RILPL2: variants seen among roughly 807,000 people sequenced by gnomAD.
RILPL2 encodes Rab interacting lysosomal protein like 2, also known as RILP-like protein 2.
In RILPL2, 19 loss-of-function variants were observed where a neutral mutation model predicts 22.2. The ratio of observed to expected loss-of-function variants is 0.86; its 90% CI spans 0.60 to 1.25. The LOEUF is 1.25. Ranked by LOEUF, RILPL2 falls within the 50% of genes most tolerant of loss-of-function variation. The probability of loss-of-function intolerance (pLI) is 0.00; values close to 1 mark genes in which losing one functional copy is unlikely to be tolerated. For missense variants in RILPL2, 243 were observed against 263.6 expected (o/e 0.92, Z 0.54); for synonymous variants, 123 against 111.6 (o/e 1.10, Z -0.64).
chr12:123,428,631 T>C (rs1879511096), intron 2 of RILPL2, among the ~76,000 whole-genome samples: 1 of 152,210 alleles, frequency 6.6e-6, no homozygotes, highest in African/African-American at 2.4e-5. Context: ...TGTCCTTAAT[T>C]CCAAGCTTTC....
At chr12:123,431,406 G>A (rs1194533571) in intron 1 of RILPL2, among the ~76,000 whole-genome samples, 2 of 151,736 alleles carry the variant, frequency 1.3e-5, no homozygotes, top group Non-Finnish European at 2.9e-5. Flanking sequence ...GGAGGGGAAG[G>A]AGACGTTGTT....
intron 3 of RILPL2, among the ~76,000 whole-genome samples, chr12:123,416,832 T>A (rs1879131276): frequency 2.0e-5 from 3 of 152,140 alleles, no homozygotes; most frequent in Admixed American, 1.3e-4. Flanking sequence ...CAATTAGGTG[T>A]CCTAAGCTCC....
Position 123,416,019 on chromosome 12 carries a change from G to A in RILPL2, c.606-98C>T, listed in dbSNP as rs892316495. Reference sequence around the variant, plus strand: ...TTTCTAAGTAGCTCTTGCAGCTGTTGACTCAAAAATATGTCCAGGCCAGGC... The same window carrying A: ...TTTCTAAGTAGCTCTTGCAGCTGTTAACTCAAAAATATGTCCAGGCCAGGC... On this transcript the variant is annotated intron_variant, in intron 3 of 3. Transcript: ENST00000280571. The A allele has an allele frequency of 2.2e-5, 27 of 1,230,224 alleles. No individual in the cohort carries two copies. In the African/African-American group the frequency reaches 2.7e-4, roughly 12 times the overall value. The allele number at this position is 1,230,224 out of a possible 1,614,324, so 76.2% of individuals were successfully genotyped here.
At chr12:123,416,571 C>A (rs374880058) in intron 3 of RILPL2, among the ~76,000 whole-genome samples, 8 of 151,978 alleles carry the variant, frequency 5.3e-5, no homozygotes, top group Non-Finnish European at 1.2e-4. Flanking sequence ...ACCCGGGAGG[C>A]GGAGCTTGCA....
At chr12:123,417,324 C>G (rs192888189) in intron 3 of RILPL2, among the ~76,000 whole-genome samples, 1 of 150,514 alleles carries the variant, frequency 6.6e-6, no homozygotes, top group Admixed American at 6.6e-5. Flanking sequence ...AAAAAAGAAA[C>G]ACCCCCATTG....
At chr12:123,413,621 G>C (rs1158211851), downstream of RILPL2, 1 of 152,246 alleles carries the variant, frequency 6.6e-6, no homozygotes, top group African/African-American at 2.4e-5. Context: ...AAGAACAAAA[G>C]AACAAAGCTT....
chr12:123,415,940 G>A lies in RILPL2; in HGVS notation c.606-19C>T. The A allele has an allele frequency of 6.2e-7, 1 of 1,614,062 alleles. No individual in the cohort carries two copies. Among genetic ancestry groups the A allele is most frequent in the Non-Finnish European group, 8.5e-7 (1 of 1,179,938 alleles). On this transcript the variant is annotated intron_variant, in intron 3 of 3. Transcript: ENST00000280571. ...AAAGAACCTGGTGTGGAGAGAGAGA[G>A]GGTTCAGGGTAAGCAGAAGGAACAA...
chr12:123,413,054 A>G (rs1261635416), downstream of RILPL2: 4 of 152,302 alleles, frequency 2.6e-5, 1 homozygote, highest in South Asian at 4.1e-4. Context: ...AAATTAACCC[A>G]GTGTGGTGGC....
At position 123,423,147 on chromosome 12, in the gene RILPL2, G is replaced by C. The variant is rs1672760413; in HGVS notation, c.502C>G (p.Pro168Ala). Reference sequence around the variant, plus strand: ...CTTCCTCCTGGGCCTTCTCTTGGTGGAATCAGGCCACTGGGAAACGGGACA... The same window carrying C: ...CTTCCTCCTGGGCCTTCTCTTGGTGCAATCAGGCCACTGGGAAACGGGACA... ...ELQCYKSGLI[P>A]PREGPGGRRE... Residue 168 changes from proline (P) to alanine (A), a missense_variant, in exon 3 of 4, where the codon CCA becomes GCA. Coordinates refer to ENST00000280571, the MANE Select transcript of RILPL2 (RefSeq NM_145058.3). 1 of 1,605,480 alleles carries C rather than the reference G, an allele frequency of 6.2e-7. No homozygotes were observed. The highest frequency in any genetic ancestry group is 8.5e-7 in the Non-Finnish European group (1 of 1,175,142).
intron 1 of RILPL2, among the ~76,000 whole-genome samples, chr12:123,435,661 C>A (rs1198050974): frequency 6.6e-6 from 1 of 152,086 alleles, no homozygotes; most frequent in African/African-American, 2.4e-5. Context: ...ATTGCTTGAG[C>A]CTAGGAGGCC....
chr12:123,430,549 C>A lies in RILPL2; in HGVS notation c.450G>T (p.Ser150=), dbSNP rs745877554. 1.2e-6 allele frequency: 2 copies of A among 1,611,798 alleles called. No individual in the cohort carries two copies. The highest frequency in any genetic ancestry group is 2.2e-5 in the South Asian group (2 of 90,972). The change falls in exon 2 of 4, where the codon TCG becomes TCT. Residue 150 remains serine, a synonymous_variant. Coordinates refer to ENST00000280571, the MANE Select transcript of RILPL2 (RefSeq NM_145058.3). ...GCTCTTCCTGCACCACCAGGAGCTG[C>A]GACTTGAGTTTGTTGCGTTCCTGCA... ...DVLQERNKLK[S]QLLVVQEELQ... is the part of the protein sequence containing the mutation.
rs1879242406 is a variant in RILPL2, at chr12:123,420,258, C to CACG, written c.605+2785_605+2786insCGT. On this transcript the variant is annotated intron_variant, in intron 3 of 3. Transcript: ENST00000280571. ...GCCAGGATGGTCTCGATCTCCTGAC[C>CACG]TCGTGATCCTCCCGCCTCGGCCTCC... 2.0e-5 allele frequency among the ~76,000 whole-genome samples: 3 copies of CACG among 151,764 alleles called. No homozygotes were observed. In the South Asian group the frequency reaches 6.2e-4, roughly 31 times the overall value.
chr12:123,417,262 G>A (rs377731082), intron 3 of RILPL2, among the ~76,000 whole-genome samples: 1 of 150,228 alleles, frequency 6.7e-6, no homozygotes, highest in African/African-American at 2.5e-5. Flanking sequence ...TCAAGCTACC[G>A]CACACCAGCC....
intron 2 of RILPL2, among the ~76,000 whole-genome samples, chr12:123,429,382 G>A (rs888069352): frequency 2.6e-5 from 4 of 152,168 alleles, no homozygotes; most frequent in East Asian, 1.9e-4. Context: ...TGCAACCTCC[G>A]CCTTCTGGTT....
Position 123,436,103 on chromosome 12 carries a change from C to G in RILPL2, c.318G>C (p.Gln106His), listed in dbSNP as rs774863070. 1.3e-6 allele frequency: 2 copies of G among 1,581,202 alleles called. No individual in the cohort carries two copies. The highest frequency in any genetic ancestry group is 1.2e-5 in the South Asian group (1 of 86,820). Residue 106 changes from glutamine (Q) to histidine (H), a missense_variant, in exon 1 of 4, where the codon CAG becomes CAC. Transcript: ENST00000280571. This position sits in a 1 kb window ranked among gnomAD's most constrained non-coding sequence, Gnocchi z 6.7. The part of the protein sequence containing the change: ...LRKEVEGLRR[Q>H]SPPASGEVNL... ...TCACCTCCCCGCTGGCCGGAGGGCT[C>G]TGTCTCCGCAGCCCCTCCACCTCCT...
chr12:123,436,111 G>A lies in RILPL2; in HGVS notation c.310C>T (p.Arg104Trp). 1 of 1,585,338 alleles carries A rather than the reference G, an allele frequency of 6.3e-7. No individual in the cohort carries two copies. Among genetic ancestry groups the A allele is most frequent in the South Asian group, 1.1e-5 (1 of 87,178 alleles). The change falls in exon 1 of 4, where the codon CGG becomes TGG. Residue 104 changes from arginine to tryptophan, a missense_variant. Physicochemically the swap from Arg to Trp is moderately radical, Grantham distance 101. Transcript: ENST00000280571. The surrounding 1 kb of genome is among the most constrained non-coding windows in gnomAD (Gnocchi z 6.7). ...CCGCTGGCCGGAGGGCTCTGTCTCC[G>A]CAGCCCCTCCACCTCCTTCCTGAGG... ...DHLRKEVEGL[R>W]RQSPPASGEV...
intron 2 of RILPL2, among the ~76,000 whole-genome samples, chr12:123,425,096 G>C (rs1207990486): frequency 6.6e-6 from 1 of 151,748 alleles, no homozygotes; most frequent in African/African-American, 2.4e-5. Flanking sequence ...AGCCAGGATG[G>C]TATCAATCTC....
chr12:123,423,910 C>T (rs926437737), intron 2 of RILPL2, among the ~76,000 whole-genome samples: 2 of 152,240 alleles, frequency 1.3e-5, no homozygotes, highest in Non-Finnish European at 1.5e-5. Context: ...GCCTCAGCCT[C>T]CCAAAGTGCT....
chr12:123,427,220 C>T (rs528686349), intron 2 of RILPL2, among the ~76,000 whole-genome samples: 3 of 152,106 alleles, frequency 2.0e-5, no homozygotes, highest in Admixed American at 6.6e-5. Context: ...TCAGCAGGTG[C>T]GCCCTGGTTC....
Sources: allele counts gnomAD v4.1 joint callset (sites outside exome capture counted in the v4.1 genomes callset), GRCh38; gene constraint gnomAD v4.1.1; non-coding constraint Gnocchi (gnomAD v3.1); transcripts MANE v1.5; gene names NCBI Gene and HGNC (gene_info 2026-07-23, HGNC 2026-07-21).